MPPED2: variants seen among roughly 807,000 people sequenced by gnomAD.
The protein encoded by MPPED2 is metallophosphoesterase MPPED2.
A neutral mutation model predicts 33.0 loss-of-function variants in MPPED2; 5 were observed. That is an observed-to-expected ratio of 0.15 (90% CI 0.08 to 0.32). MPPED2 has a LOEUF of 0.32. Ranked by LOEUF, MPPED2 falls within the 10% of genes least tolerant of loss-of-function variation. MPPED2 has a pLI of 1.00. For missense variants in MPPED2, 275 were observed against 372.1 expected (o/e 0.74, Z 2.15); for synonymous variants, 136 against 141.9 (o/e 0.96, Z 0.29).
intron 2 of MPPED2, among the ~76,000 whole-genome samples, chr11:30,542,667 A>G (rs761099275): frequency 1.2e-4 from 18 of 151,994 alleles, no homozygotes; most frequent in Non-Finnish European, 2.2e-4. Flanking sequence ...TAAACATGTA[A>G]GTGTTCAATT....
intron 4 of MPPED2, among the ~76,000 whole-genome samples, chr11:30,435,475 A>G (rs911510783): frequency 3.9e-5 from 6 of 152,204 alleles, no homozygotes; most frequent in African/African-American, 1.4e-4. Flanking sequence ...GTGGCTATAC[A>G]TTTGGAAGCA....
At chr11:30,548,367 C>T (rs1046081486) in intron 2 of MPPED2, among the ~76,000 whole-genome samples, 5 of 152,142 alleles carry the variant, frequency 3.3e-5, no homozygotes, top group African/African-American at 9.7e-5. Flanking sequence ...GCATGTGCCA[C>T]CACACCCAGC....
At chr11:30,532,431 A>T (rs1160713131) in intron 3 of MPPED2, among the ~76,000 whole-genome samples, 1 of 152,098 alleles carries the variant, frequency 6.6e-6, no homozygotes, top group African/African-American at 2.4e-5. Flanking sequence ...ATCCCTCTTT[A>T]AATGCCCAGG....
At chr11:30,560,313 A>T (rs7926013) in intron 2 of MPPED2, among the ~76,000 whole-genome samples, 11,681 of 146,506 alleles carry the variant, frequency 0.08, 1,237 homozygotes, top group African/African-American at 0.25. Flanking sequence ...TTTTTTTTTT[A>T]AAAAAAAAAA....
intron 2 of MPPED2, among the ~76,000 whole-genome samples, chr11:30,549,312 C>T (rs926457264): frequency 6.6e-6 from 1 of 152,166 alleles, no homozygotes. Context: ...GCTCTATTTC[C>T]AATCAATTGC....
chr11:30,510,016 G>A (rs185724739), intron 3 of MPPED2, among the ~76,000 whole-genome samples: 20 of 152,276 alleles, frequency 1.3e-4, no homozygotes, highest in African/African-American at 4.6e-4. Context: ...TAAAGACTGT[G>A]CCTACAATCA....
At chr11:30,578,511 G>A (rs2134893114) in intron 2 of MPPED2, among the ~76,000 whole-genome samples, 1 of 152,228 alleles carries the variant, frequency 6.6e-6, no homozygotes, top group Non-Finnish European at 1.5e-5. Context: ...AAAGTTACAT[G>A]ATTTTTAAAA....
At chr11:30,420,160 T>C (rs534829255) in intron 4 of MPPED2, among the ~76,000 whole-genome samples, 14 of 152,158 alleles carry the variant, frequency 9.2e-5, no homozygotes, top group African/African-American at 2.2e-4. Context: ...AAGATTATCC[T>C]GGATTATCTA....
At chr11:30,516,851 G>T (rs1953562156) in intron 3 of MPPED2, among the ~76,000 whole-genome samples, 2 of 152,104 alleles carry the variant, frequency 1.3e-5, no homozygotes, top group African/African-American at 4.8e-5. Flanking sequence ...AAACAAGGAG[G>T]CATTCAATTG....
chr11:30,432,250 G>C (rs1009045443), intron 4 of MPPED2, among the ~76,000 whole-genome samples: 1 of 151,612 alleles, frequency 6.6e-6, no homozygotes, highest in Admixed American at 6.6e-5. Flanking sequence ...TTGCTTTGTT[G>C]TGTCTTAAAG....
intron 2 of MPPED2, among the ~76,000 whole-genome samples, chr11:30,547,023 A>G (rs1955459225): frequency 6.6e-6 from 1 of 152,220 alleles, no homozygotes; most frequent in African/African-American, 2.4e-5. Flanking sequence ...GGAAATGCAT[A>G]CTTACTACCT....
At chr11:30,519,402 G>A (rs1953725303) in intron 3 of MPPED2, among the ~76,000 whole-genome samples, 1 of 151,900 alleles carries the variant, frequency 6.6e-6, no homozygotes. Context: ...ATGTGTGGGT[G>A]TGATTTTAGC....
At chr11:30,537,441 C>A (rs942384706) in intron 2 of MPPED2, among the ~76,000 whole-genome samples, 6 of 152,210 alleles carry the variant, frequency 3.9e-5, no homozygotes, top group Non-Finnish European at 7.3e-5. Flanking sequence ...ACAAGACTCC[C>A]TAAACATATT....
At chr11:30,441,583 T>C (rs963231563) in intron 4 of MPPED2, among the ~76,000 whole-genome samples, 1 of 152,194 alleles carries the variant, frequency 6.6e-6, no homozygotes, top group Non-Finnish European at 1.5e-5. Flanking sequence ...TGCCCCCCTA[T>C]TCCAGGAGCC....
At chr11:30,547,825 T>C (rs1486052755) in intron 2 of MPPED2, among the ~76,000 whole-genome samples, 1 of 101,848 alleles carries the variant, frequency 9.8e-6, no homozygotes, top group African/African-American at 2.8e-5. Flanking sequence ...TGTTTGCATA[T>C]CTGTATTTGA....
At chr11:30,551,006 T>C (rs1955685529) in intron 2 of MPPED2, among the ~76,000 whole-genome samples, 1 of 152,208 alleles carries the variant, frequency 6.6e-6, no homozygotes, top group Non-Finnish European at 1.5e-5. Flanking sequence ...TTTCATACTT[T>C]TTCAAAAAGT....
chr11:30,582,932 C>A lies in MPPED2; in HGVS notation c.-121-2438G>T, dbSNP rs191482759. 4.1e-4 allele frequency among the ~76,000 whole-genome samples: 62 copies of A among 152,274 alleles called. 1 individual carries two copies. Among genetic ancestry groups the A allele is most frequent in the Middle Eastern group, 3.4e-3 (1 of 294 alleles). On this transcript the variant is annotated intron_variant, in intron 1 of 6. Coordinates refer to ENST00000358117, the MANE Select transcript of MPPED2 (RefSeq NM_001584.3). Reference sequence around the variant, plus strand: ...TCAAATGTTTCATCGAAACAGTGCACCTGCAGCGTCTATCTTCTTTAATCT... The same window carrying A: ...TCAAATGTTTCATCGAAACAGTGCAACTGCAGCGTCTATCTTCTTTAATCT...
chr11:30,490,206 A>T (rs1951916150), intron 4 of MPPED2, among the ~76,000 whole-genome samples: 1 of 152,184 alleles, frequency 6.6e-6, no homozygotes, highest in Non-Finnish European at 1.5e-5. Context: ...ATTGGGCACC[A>T]CTGGTGGCAG....
downstream of MPPED2, among the ~76,000 whole-genome samples, chr11:30,409,685 A>T (rs1019457248): frequency 2.0e-5 from 3 of 152,204 alleles, no homozygotes; most frequent in African/African-American, 7.2e-5. Flanking sequence ...TTGAGGGTGC[A>T]CTGCAGATCC....
Sources: allele counts gnomAD v4.1 joint callset (sites outside exome capture counted in the v4.1 genomes callset), GRCh38; gene constraint gnomAD v4.1.1; transcripts MANE v1.5; gene names NCBI Gene and HGNC (gene_info 2026-07-23, HGNC 2026-07-21).